IGF2BP2: variants seen among roughly 807,000 people sequenced by gnomAD.
IGF2BP2 encodes the protein insulin-like growth factor 2 mRNA-binding protein 2.
IGF2BP2 carries 17 observed loss-of-function variants against 75.8 expected under a neutral mutation model. The observed-to-expected ratio is 0.22, with a 90% CI of 0.15 to 0.34. The LOEUF (loss-of-function observed/expected upper bound fraction) is 0.34, where lower values mean the gene tolerates loss of function less well. Ranked by LOEUF, IGF2BP2 falls within the 10% of genes least tolerant of loss-of-function variation. The pLI, the probability that IGF2BP2 is intolerant of heterozygous loss-of-function variation, is 1.00. For synonymous variants in IGF2BP2, 288 were observed against 295.6 expected (o/e 0.97, Z 0.26); for missense variants, 516 against 772.4 (o/e 0.67, Z 3.93).
At chr3:185,727,195 G>A (rs1339495983) in intron 2 of IGF2BP2, among the ~76,000 whole-genome samples, 2 of 150,416 alleles carry the variant, frequency 1.3e-5, no homozygotes, top group African/African-American at 4.9e-5. Flanking sequence ...TCCAGCCTGG[G>A]CGACAGAGAG....
At chr3:185,749,760 T>C (rs1238103020) in intron 2 of IGF2BP2, among the ~76,000 whole-genome samples, 1 of 152,198 alleles carries the variant, frequency 6.6e-6, no homozygotes, top group African/African-American at 2.4e-5. Context: ...GATCTCTCAT[T>C]GAAAGGCACT....
intron 4 of IGF2BP2, among the ~76,000 whole-genome samples, chr3:185,693,379 T>C (rs764350971): frequency 4.6e-5 from 7 of 152,210 alleles, no homozygotes; most frequent in African/African-American, 2.4e-5. Flanking sequence ...TCTTAAATAA[T>C]TGGATATACA....
At chr3:185,657,648 A>C (rs1010581251) in intron 11 of IGF2BP2, among the ~76,000 whole-genome samples, 1 of 152,224 alleles carries the variant, frequency 6.6e-6, no homozygotes, top group Non-Finnish European at 1.5e-5. Flanking sequence ...TGAGCTTCTC[A>C]ATTTGTTGGA....
intron 2 of IGF2BP2, among the ~76,000 whole-genome samples, chr3:185,703,147 T>C (rs1479178464): frequency 2.0e-5 from 3 of 152,230 alleles, no homozygotes; most frequent in Non-Finnish European, 2.9e-5. Flanking sequence ...CACACATGTG[T>C]GGACTATCAA....
intron 4 of IGF2BP2, among the ~76,000 whole-genome samples, chr3:185,694,568 A>G (rs1722341470): frequency 6.6e-6 from 1 of 152,242 alleles, no homozygotes; most frequent in South Asian, 2.1e-4. Flanking sequence ...CTCATGTAAC[A>G]GGACAAAACA....
chr3:185,789,935 T>C (rs1383617426), intron 2 of IGF2BP2, among the ~76,000 whole-genome samples: 1 of 152,246 alleles, frequency 6.6e-6, no homozygotes, highest in Middle Eastern at 3.4e-3. Context: ...GGTTTCACCA[T>C]GTTGGCCAGG....
chr3:185,727,437 T>C (rs965260769), intron 2 of IGF2BP2, among the ~76,000 whole-genome samples: 7 of 152,048 alleles, frequency 4.6e-5, no homozygotes, highest in African/African-American at 1.7e-4. Flanking sequence ...CTGAGGCTCT[T>C]GGCCTCAAAG....
chr3:185,773,808 T>G (rs1560448749), intron 2 of IGF2BP2, among the ~76,000 whole-genome samples: 2 of 152,188 alleles, frequency 1.3e-5, no homozygotes, highest in Admixed American at 1.3e-4. Context: ...TTTCATTAGC[T>G]CAATTTTACT....
intron 2 of IGF2BP2, among the ~76,000 whole-genome samples, chr3:185,816,438 T>C (rs1350794698): frequency 1.3e-5 from 2 of 152,244 alleles, no homozygotes; most frequent in African/African-American, 4.8e-5. Context: ...TGATGTAGCA[T>C]CATTGCAAAG....
chr3:185,824,668 C>T (rs1741807599), intron 1 of IGF2BP2, 115 bp downstream of exon 1: 3 of 659,372 alleles, frequency 4.5e-6, no homozygotes, highest in African/African-American at 3.8e-5. Flanking sequence ...TGGAAGTGAG[C>T]GTGCGGGCGC....
chr3:185,685,145 C>T (rs1282045115), intron 7 of IGF2BP2, among the ~76,000 whole-genome samples: 3 of 152,006 alleles, frequency 2.0e-5, no homozygotes, highest in African/African-American at 4.8e-5. Flanking sequence ...GTCAGGAGTT[C>T]GAGACCAGCC....
At chr3:185,746,543 A>C (rs924037298) in intron 2 of IGF2BP2, among the ~76,000 whole-genome samples, 5 of 152,226 alleles carry the variant, frequency 3.3e-5, no homozygotes, top group Admixed American at 3.3e-4. Flanking sequence ...ACACGGGTCC[A>C]AACTGAATGT....
intron 2 of IGF2BP2, among the ~76,000 whole-genome samples, chr3:185,750,600 TC>T (rs1458628992): frequency 6.6e-6 from 1 of 152,150 alleles, no homozygotes. Flanking sequence ...CAGGAACTCT[TC>T]CTCCACAAAC....
chr3:185,773,043 C>A (rs1734090792), intron 2 of IGF2BP2, among the ~76,000 whole-genome samples: 1 of 152,190 alleles, frequency 6.6e-6, no homozygotes, highest in African/African-American at 2.4e-5. Flanking sequence ...GGCCTGATAA[C>A]TAACCCCATC....
In IGF2BP2 at chr3:185,798,787, C is replaced by CTTTTT. The variant is rs1260800467; in HGVS notation, c.239+24361_239+24365dup. On this transcript the variant is annotated intron_variant, in intron 2 of 15. Coordinates refer to ENST00000382199, the MANE Select transcript of IGF2BP2 (RefSeq NM_006548.6). Reference sequence around the variant, plus strand: ...AAATATAACTAAGTTTTTCTTTTTTCTTTTTTTCTTTTTTTTTTTTGAGAC... The same window carrying CTTTTT: ...AAATATAACTAAGTTTTTCTTTTTTCTTTTTTTTTTTTCTTTTTTTTTTTTGAGAC... Among the ~76,000 whole-genome samples the CTTTTT allele has an allele frequency of 2.3e-4, 31 of 133,136 alleles. 3 individuals are homozygous for CTTTTT. The highest frequency in any genetic ancestry group is 3.8e-3 in the Middle Eastern group (1 of 264). 87.3% of individuals were successfully genotyped at this position (133,136 alleles called of 152,430 possible).
intron 2 of IGF2BP2, among the ~76,000 whole-genome samples, chr3:185,730,753 G>C (rs995841271): frequency 6.6e-6 from 1 of 152,128 alleles, no homozygotes; most frequent in Non-Finnish European, 1.5e-5. Context: ...ATGCCCAGGA[G>C]TGAGATGATG....
At chr3:185,740,251 T>A (rs1316554657) in intron 2 of IGF2BP2, among the ~76,000 whole-genome samples, 1 of 152,212 alleles carries the variant, frequency 6.6e-6, no homozygotes, top group African/African-American at 2.4e-5. Flanking sequence ...TTTGTTTGCA[T>A]ATTTAGAAAG....
intron 10 of IGF2BP2, among the ~76,000 whole-genome samples, chr3:185,670,505 TGA>T (rs1361679631): frequency 6.6e-6 from 1 of 152,164 alleles, no homozygotes; most frequent in Non-Finnish European, 1.5e-5. Context: ...AAATAAATGG[TGA>T]GCTAGATTTG....
intron 2 of IGF2BP2, among the ~76,000 whole-genome samples, chr3:185,802,938 A>G (rs980961663): frequency 2.9e-4 from 44 of 152,250 alleles, no homozygotes; most frequent in African/African-American, 1.0e-3. Context: ...TATTTCTGAC[A>G]AATGTAGTTT....
Sources: allele counts gnomAD v4.1 joint callset (sites outside exome capture counted in the v4.1 genomes callset), GRCh38; gene constraint gnomAD v4.1.1; transcripts MANE v1.5; gene names NCBI Gene and HGNC (gene_info 2026-07-23, HGNC 2026-07-21).